Variants in ASRGL1 observed in about 807,000 individuals in gnomAD.
The protein encoded by ASRGL1 is asparaginase and isoaspartyl peptidase 1.
ASRGL1 carries 16 observed loss-of-function variants against 22.4 expected under a neutral mutation model. The ratio of observed to expected loss-of-function variants is 0.71; its 90% confidence interval spans 0.48 to 1.08. ASRGL1 has a LOEUF of 1.08. ASRGL1 is among the 50% of genes least tolerant of loss of function. The pLI is 0.00. For synonymous variants in ASRGL1, 165 were observed against 159.3 expected, an observed-to-expected ratio of 1.04 and a Z score of -0.27; for missense variants, 412 against 410.1, an observed-to-expected ratio of 1.00 and a Z score of -0.04.
chr11:62,386,183 A>T (rs573264804), intron 4 of ASRGL1, among the ~76,000 whole-genome samples: 6 of 152,222 alleles, frequency 3.9e-5, no homozygotes, highest in African/African-American at 1.2e-4. Context: ...AAAGTAAAAT[A>T]AAAAAAGATT....
chr11:62,350,167 A>T (rs572488201), intron 2 of ASRGL1, among the ~76,000 whole-genome samples: 1 of 152,162 alleles, frequency 6.6e-6, no homozygotes, highest in Non-Finnish European at 1.5e-5. Flanking sequence ...CTCTGGTTCA[A>T]ACGTCTCTGA....
At chr11:62,379,661 C>T (rs1408782070) in intron 4 of ASRGL1, among the ~76,000 whole-genome samples, 1 of 152,168 alleles carries the variant, frequency 6.6e-6, no homozygotes, top group Non-Finnish European at 1.5e-5. Flanking sequence ...TGTGGGGGCT[C>T]CCCTGAAAGC....
chr11:62,363,005 G>C (rs1946520212), intron 4 of ASRGL1, among the ~76,000 whole-genome samples: 1 of 130,154 alleles, frequency 7.7e-6, no homozygotes, highest in Non-Finnish European at 1.6e-5. Context: ...TGCAAGCTCC[G>C]CCTCCAGGGT....
rs1428516999 is a variant in ASRGL1, at chr11:62,342,868, GT to G, written c.190+4706del. On this transcript the variant is annotated intron_variant, in intron 2 of 6. Coordinates refer to ENST00000415229, the MANE Select transcript of ASRGL1 (RefSeq NM_001083926.2). ...ACCCGTGTAGACGTGGATATCAGTAGTTTTTCCCTTTTTATTGAGTAGTATT... is the reference window on the plus strand; with the variant it reads ...ACCCGTGTAGACGTGGATATCAGTAGTTTTCCCTTTTTATTGAGTAGTATT... Among the ~76,000 whole-genome samples the G allele has an allele frequency of 4.6e-5, 7 of 152,278 alleles. No individual in the cohort carries two copies. In the East Asian group the frequency reaches 1.4e-3, roughly 29 times the overall value.
intron 2 of ASRGL1, among the ~76,000 whole-genome samples, chr11:62,353,343 C>CTTT (rs35136967): frequency 2.2e-5 from 3 of 135,938 alleles, no homozygotes; most frequent in African/African-American, 2.8e-5. Flanking sequence ...TTTTATGATG[C>CTTT]TTTTTTTTTT....
chr11:62,378,657 TAAGTC>T (rs1390326643), intron 4 of ASRGL1, among the ~76,000 whole-genome samples: 1 of 152,204 alleles, frequency 6.6e-6, no homozygotes, highest in East Asian at 1.9e-4. Context: ...TTACGGCTCT[TAAGTC>T]AGTTAACTTA....
intron 2 of ASRGL1, among the ~76,000 whole-genome samples, chr11:62,346,413 C>T (rs868864040): frequency 2.6e-5 from 4 of 152,278 alleles, no homozygotes; most frequent in South Asian, 4.1e-4. Context: ...TCCAAAAGCT[C>T]TCCCATCATC....
At chr11:62,377,871 A>AG (rs1380327708) in intron 4 of ASRGL1, among the ~76,000 whole-genome samples, 2 of 152,228 alleles carry the variant, frequency 1.3e-5, no homozygotes, top group Non-Finnish European at 2.9e-5. Context: ...CCACAAGATC[A>AG]GTATTTTGAA....
rs1454861157 is a variant in ASRGL1, at chr11:62,375,462, ATATATATATATATATATATT to A, written c.492-13669_492-13650del. Among the ~76,000 whole-genome samples the A allele has an allele frequency of 7.8e-3, 665 of 84,962 alleles. 22 individuals are homozygous for A. Among genetic ancestry groups the A allele is most frequent in the South Asian group, 0.035 (94 of 2,668 alleles). The allele number at this position is 84,962 out of a possible 152,430, so 55.7% of individuals were successfully genotyped here. A position where few individuals can be genotyped will look rare whatever the true frequency, so the allele number is the denominator to read the frequency against. ...TATATATATATATATATATATATATATATATATATATATATATATTTCTTGGAGTAAACATTTTAAATAAA... is the reference window on the plus strand; with the variant it reads ...TATATATATATATATATATATATATATCTTGGAGTAAACATTTTAAATAAA... On this transcript the variant is annotated intron_variant, in intron 4 of 6. Transcript: ENST00000415229.
At position 62,354,571 on chromosome 11, in the gene ASRGL1, G is replaced by A. The variant is rs149985106; in HGVS notation, c.191-1754G>A. On this transcript the variant is annotated intron_variant, in intron 2 of 6. Coordinates refer to ENST00000415229, the MANE Select transcript of ASRGL1 (RefSeq NM_001083926.2). Reference sequence around the variant, plus strand: ...GGTTTCTTGAACACAAGCACTGAGAGGTGCTACTGCAGCTGATCTGCTTGG... The same window carrying A: ...GGTTTCTTGAACACAAGCACTGAGAAGTGCTACTGCAGCTGATCTGCTTGG... Among the ~76,000 whole-genome samples, 539 of 152,300 alleles carry A rather than the reference G, an allele frequency of 3.5e-3. 2 individuals are homozygous for A. Among genetic ancestry groups the A allele is most frequent in the African/African-American group, 0.012 (511 of 41,556 alleles).
rs758454955 is a variant in ASRGL1 at position 62,392,272 on chromosome 11, C to T, written c.915C>T (p.Thr305=). The T allele has an allele frequency of 5.6e-5, 91 of 1,613,552 alleles. No individual in the cohort carries two copies. The highest frequency in any genetic ancestry group is 7.2e-5 in the Non-Finnish European group (85 of 1,180,032). Residue 305 remains threonine (T), a synonymous_variant, in exon 7 of 7, where the codon ACC becomes ACT. Transcript: ENST00000415229. ...TTGATCCTGACGATACTACTATCAC[C>T]GACCTTCCCTAAGCCGCTGGAAGAT... ...FGIDPDDTTI[T]DLP is the part of the protein sequence containing the mutation.
At position 62,371,400 on chromosome 11, in the gene ASRGL1, C is replaced by A. The variant is rs555717712; in HGVS notation, c.491+14256C>A. 3 of 591,618 alleles carry A rather than the reference C, an allele frequency of 5.1e-6. No individual in the cohort carries two copies. In the East Asian group the frequency reaches 9.6e-5, roughly 19 times the overall value. The allele number at this position is 591,618 out of a possible 1,614,324, so 36.6% of individuals were successfully genotyped here. A position where few individuals can be genotyped will look rare whatever the true frequency, so the allele number is the denominator to read the frequency against. The stretch of plus-strand genomic sequence containing the variant: ...GTGCGGCTGTGGTGGTCGCCGAACC[C>A]GAGCACACCAAGAAGCACGTCAAAC... On this transcript the variant is annotated intron_variant, in intron 4 of 6. Transcript: ENST00000415229.
intron 4 of ASRGL1, among the ~76,000 whole-genome samples, chr11:62,376,422 C>G (rs747898534): frequency 6.6e-6 from 1 of 151,990 alleles, no homozygotes; most frequent in Non-Finnish European, 1.5e-5. Context: ...CTGATTTTCT[C>G]CTAGTGAAAC....
At chr11:62,355,299 C>T (rs886655729) in intron 2 of ASRGL1, among the ~76,000 whole-genome samples, 1 of 151,978 alleles carries the variant, frequency 6.6e-6, no homozygotes, top group African/African-American at 2.4e-5. Context: ...AATCTCGGCT[C>T]ACGGCAACCT....
intron 4 of ASRGL1, chr11:62,372,212 C>T (rs1946790980): frequency 8.2e-7 from 1 of 1,226,972 alleles, no homozygotes; most frequent in African/African-American, 1.5e-5. Context: ...GGGTCTCAGC[C>T]ACGAAGTGAT....
chr11:62,367,182 C>CA (rs1163210328), intron 4 of ASRGL1, among the ~76,000 whole-genome samples: 2 of 151,186 alleles, frequency 1.3e-5, no homozygotes, highest in African/African-American at 2.4e-5. Flanking sequence ...ACTAAAAATG[C>CA]AAAAAATTAG....
intron 4 of ASRGL1, among the ~76,000 whole-genome samples, chr11:62,363,222 C>A (rs1946527089): frequency 6.6e-6 from 1 of 151,646 alleles, no homozygotes; most frequent in South Asian, 2.1e-4. Flanking sequence ...CGTGAACCAC[C>A]ATGCCTGGCC....
intron 4 of ASRGL1, among the ~76,000 whole-genome samples, chr11:62,364,108 G>T (rs1460936608): frequency 1.5e-5 from 2 of 137,308 alleles, no homozygotes; most frequent in African/African-American, 5.5e-5. Context: ...GCAGTGAGCT[G>T]AGATCACACC....
Position 62,392,356 on chromosome 11 carries a change from T to A in ASRGL1, c.*72T>A, listed in dbSNP as rs1161370951. 1 of 1,543,442 alleles carries A rather than the reference T, an allele frequency of 6.5e-7. No individual in the cohort carries two copies. The highest frequency in any genetic ancestry group is 8.9e-7 in the Non-Finnish European group (1 of 1,122,016). ...AGTCTCCTCATGAGACATAGCCTAATCAATTAGATCTAGAATTGGAAAAAT... is the reference window on the plus strand; with the variant it reads ...AGTCTCCTCATGAGACATAGCCTAAACAATTAGATCTAGAATTGGAAAAAT... On this transcript the variant is annotated 3_prime_UTR_variant, in exon 7 of 7. Transcript: ENST00000415229.
Sources: allele counts gnomAD v4.1 joint callset (sites outside exome capture counted in the v4.1 genomes callset), GRCh38; gene constraint gnomAD v4.1.1; transcripts MANE v1.5; gene names NCBI Gene and HGNC (gene_info 2026-07-23, HGNC 2026-07-21).